The following RAB8B variants were observed in gnomAD, a reference collection of about 807,000 sequenced individuals.
The protein encoded by RAB8B is ras-related protein Rab-8B.
Under a neutral mutation model 32.0 loss-of-function variants are expected in RAB8B, and 11 were observed. The observed-to-expected ratio is 0.34, with a 90% confidence interval of 0.22 to 0.57. The LOEUF (loss-of-function observed/expected upper bound fraction) is 0.57. Ranked by LOEUF, RAB8B falls within the 20% of genes least tolerant of loss-of-function variation. The pLI is 0.86. For synonymous variants in RAB8B, 103 were observed against 89.6 expected, an observed-to-expected ratio of 1.15 and a Z score of -0.85; for missense variants, 190 against 258.5, an observed-to-expected ratio of 0.73 and a Z score of 1.82.
At chr15:63,231,147 T>G (rs1462014875) in intron 1 of RAB8B, among the ~76,000 whole-genome samples, 1 of 152,252 alleles carries the variant, frequency 6.6e-6, no homozygotes, top group Non-Finnish European at 1.5e-5. Flanking sequence ...TAACCCTGGT[T>G]ATTATCTGAT....
At chr15:63,230,022 G>T (rs2037923062) in intron 1 of RAB8B, among the ~76,000 whole-genome samples, 1 of 151,666 alleles carries the variant, frequency 6.6e-6, no homozygotes, top group South Asian at 2.1e-4. Context: ...TTTCATTATT[G>T]ATTGGGAAAA....
At chr15:63,212,694 G>A (rs1386853581) in intron 1 of RAB8B, among the ~76,000 whole-genome samples, 1 of 152,166 alleles carries the variant, frequency 6.6e-6, no homozygotes, top group Non-Finnish European at 1.5e-5. Flanking sequence ...ACAGCCTCTG[G>A]ACTTCCCCAA....
chr15:63,244,254 T>C (rs569051964), intron 1 of RAB8B, among the ~76,000 whole-genome samples: 67 of 152,344 alleles, frequency 4.4e-4, no homozygotes, highest in South Asian at 3.9e-3. Context: ...ACTTGCTAAC[T>C]GTTTAAAATA....
At chr15:63,228,721 CT>C (rs1005789538) in intron 1 of RAB8B, among the ~76,000 whole-genome samples, 4 of 152,140 alleles carry the variant, frequency 2.6e-5, no homozygotes, top group African/African-American at 7.2e-5. Flanking sequence ...GTTTGGTGCC[CT>C]TTTTTTGTGC....
chr15:63,213,465 G>A (rs921034511), intron 1 of RAB8B, among the ~76,000 whole-genome samples: 2 of 152,158 alleles, frequency 1.3e-5, no homozygotes, highest in African/African-American at 4.8e-5. Flanking sequence ...TTTAGTTACT[G>A]TACTTATGCC....
intron 3 of RAB8B, chr15:63,251,163 C>T (rs1009688361): frequency 2.6e-5 from 11 of 416,128 alleles, no homozygotes; most frequent in Non-Finnish European, 4.7e-5. Flanking sequence ...TGTGAAGGGT[C>T]ATCATTTTAA....
At chr15:63,227,555 T>C (rs918175726) in intron 1 of RAB8B, among the ~76,000 whole-genome samples, 5 of 152,254 alleles carry the variant, frequency 3.3e-5, no homozygotes, top group African/African-American at 1.2e-4. Flanking sequence ...ATTTACAAGT[T>C]GATGTTCAAT....
Position 63,218,396 on chromosome 15 carries a change from A to G in RAB8B, c.125-26360A>G, listed in dbSNP as rs2037812178. ...TATTAATGATAGCCTATCCCATTAT[A>G]GCTGTCAGCATCATTATCTGCTGAG... is the stretch of plus-strand genomic sequence containing the variant. On this transcript the variant is annotated intron_variant, in intron 1 of 7. Coordinates refer to ENST00000321437, the MANE Select transcript of RAB8B (RefSeq NM_016530.3). 2.0e-5 allele frequency among the ~76,000 whole-genome samples: 3 copies of G among 152,352 alleles called. 1 individual carries two copies. In the South Asian group the frequency reaches 6.2e-4, roughly 32 times the overall value.
At position 63,267,183 on chromosome 15, in the gene RAB8B, CA is replaced by C. The variant is rs1325714581; in HGVS notation, c.*3565del. On this transcript the variant is annotated 3_prime_UTR_variant, in exon 8 of 8. Coordinates refer to ENST00000321437, the MANE Select transcript of RAB8B (RefSeq NM_016530.3). ...AGCACAATTTTAGAGTAGAATAAGT[CA>C]TTTTTTTAGACTAATAAAATTAATG... The C allele has an allele frequency of 1.3e-5, 2 of 152,384 alleles. No homozygotes were observed. The highest frequency in any genetic ancestry group is 2.4e-5 in the African/African-American group (1 of 41,370). 9.4% of individuals were successfully genotyped at this position (152,384 alleles called of 1,614,324 possible).
intron 1 of RAB8B, among the ~76,000 whole-genome samples, chr15:63,233,168 G>T (rs891939087): frequency 6.7e-6 from 1 of 149,906 alleles, no homozygotes; most frequent in African/African-American, 2.5e-5. Context: ...CAAGCTATCC[G>T]CTCACTTCAG....
At chr15:63,260,127 C>A (rs2038191447) in intron 6 of RAB8B, among the ~76,000 whole-genome samples, 2 of 152,212 alleles carry the variant, frequency 1.3e-5, no homozygotes, top group African/African-American at 4.8e-5. Flanking sequence ...GCCACCATAC[C>A]CAGCTGCTTC....
intron 1 of RAB8B, among the ~76,000 whole-genome samples, chr15:63,191,569 G>A (rs1243072741): frequency 6.6e-6 from 1 of 152,180 alleles, no homozygotes; most frequent in East Asian, 1.9e-4. Flanking sequence ...ACTAAAGGGT[G>A]TTAATTTTTG....
intron 1 of RAB8B, among the ~76,000 whole-genome samples, chr15:63,192,095 G>T (rs1159539117): frequency 6.6e-6 from 1 of 152,170 alleles, no homozygotes; most frequent in Non-Finnish European, 1.5e-5. Flanking sequence ...AAAAAGAGGT[G>T]TGAGCTGTGT....
chr15:63,226,397 C>T (rs1270609766), intron 1 of RAB8B, among the ~76,000 whole-genome samples: 7 of 152,184 alleles, frequency 4.6e-5, no homozygotes, highest in Non-Finnish European at 1.0e-4. Context: ...CCAAATCTCC[C>T]ACTTTTCTGA....
intron 4 of RAB8B, among the ~76,000 whole-genome samples, 158 bp downstream of exon 4, chr15:63,255,742 A>C (rs1355344315): frequency 1.3e-5 from 2 of 152,244 alleles, no homozygotes; most frequent in African/African-American, 4.8e-5. Context: ...TGGTGCTGCC[A>C]GTCTGACTAC....
intron 1 of RAB8B, chr15:63,223,133 A>G (rs1205678363): frequency 6.8e-6 from 3 of 442,874 alleles, no homozygotes; most frequent in African/African-American, 6.1e-5. Flanking sequence ...ATTTTTTGAG[A>G]CGGAATCTTG....
intron 1 of RAB8B, among the ~76,000 whole-genome samples, chr15:63,207,800 A>G (rs1373931334): frequency 6.6e-6 from 1 of 152,016 alleles, no homozygotes; most frequent in African/African-American, 2.4e-5. Context: ...TCCTGACTTC[A>G]TGATCTGCCC....
chr15:63,209,144 G>A (rs2037725079), intron 1 of RAB8B, among the ~76,000 whole-genome samples: 1 of 151,894 alleles, frequency 6.6e-6, no homozygotes, highest in Non-Finnish European at 1.5e-5. Flanking sequence ...ACCTGCCTCG[G>A]CCTCCCAAAG....
At chr15:63,251,547 A>C (rs1036761148) in intron 3 of RAB8B, among the ~76,000 whole-genome samples, 2 of 152,192 alleles carry the variant, frequency 1.3e-5, no homozygotes, top group African/African-American at 4.8e-5. Context: ...AAATGTATTA[A>C]ATAATACATT....
Sources: gnomAD v4.1 joint callset for allele counts (sites outside exome capture counted in the v4.1 genomes callset) on GRCh38, gnomAD v4.1.1 for gene constraint, MANE v1.5 for transcripts, NCBI Gene and HGNC (gene_info 2026-07-23, HGNC 2026-07-21) for gene names.